The following C11orf65 variants were observed in gnomAD, a reference collection of about 807,000 sequenced individuals.
C11orf65 encodes the protein chromosome 11 open reading frame 65.
C11orf65 carries 38 observed loss-of-function variants against 35.3 expected under a neutral mutation model. The observed-to-expected ratio is 1.08, with a 90% CI of 0.83 to 1.41. C11orf65 has a LOEUF of 1.41. Ranked by LOEUF, C11orf65 falls within the 40% of genes most tolerant of loss-of-function variation. C11orf65 has a pLI of 0.00. For synonymous variants in C11orf65, 105 were observed against 114.4 expected (o/e 0.92, Z 0.53); for missense variants, 370 against 367.1 (o/e 1.01, Z -0.06).
chr11:108,405,703 T>G (rs559785833), intron 5 of C11orf65, 144 bp from the exon 6 acceptor site: 1 of 829,536 alleles, frequency 1.2e-6, no homozygotes, highest in East Asian at 2.6e-5. Flanking sequence ...AAGGTATTTC[T>G]AATTAAGTGA....
At chr11:108,344,014 A>G (rs113621395) in intron 2 of C11orf65, among the ~76,000 whole-genome samples, 2,254 of 152,322 alleles carry the variant, frequency 0.015, 35 homozygotes, top group Admixed American at 0.041. Context: ...CCTTATCCTC[A>G]TTTTAAAATG....
intron 7 of C11orf65, among the ~76,000 whole-genome samples, chr11:108,391,374 T>C (rs1473000795): frequency 1.3e-5 from 2 of 152,170 alleles, no homozygotes; most frequent in Non-Finnish European, 2.9e-5. Context: ...TCCACCACCA[T>C]AATGAATTTT....
intron 6 of C11orf65, among the ~76,000 whole-genome samples, chr11:108,402,335 T>C (rs2092453825): frequency 6.6e-6 from 1 of 152,326 alleles, no homozygotes; most frequent in African/African-American, 2.4e-5. Flanking sequence ...TTTGCCCAAA[T>C]GTCCTAATCC....
At chr11:108,367,444 C>G (rs1203716161) in intron 2 of C11orf65, 1 of 201,088 alleles carries the variant, frequency 5.0e-6, no homozygotes, top group Non-Finnish European at 1.0e-5. Flanking sequence ...AGAAGTGGAA[C>G]ATTTCTCTGT....
chr11:108,445,540 A>T (rs1565708086), intron 2 of C11orf65, among the ~76,000 whole-genome samples: 1 of 152,170 alleles, frequency 6.6e-6, no homozygotes, highest in Non-Finnish European at 1.5e-5. Context: ...AGCAAACTCC[A>T]ACGGACCTGT....
intron 2 of C11orf65, among the ~76,000 whole-genome samples, chr11:108,363,342 TTTC>T (rs1207068325): frequency 2.0e-5 from 3 of 152,206 alleles, no homozygotes; most frequent in Admixed American, 1.3e-4. Flanking sequence ...GTATTTCCCT[TTTC>T]TTTTCAGTGT....
chr11:108,328,894 TC>T, downstream of C11orf65: 1 of 1,057,448 alleles, frequency 9.5e-7, no homozygotes, highest in Non-Finnish European at 1.4e-6. Flanking sequence ...TTGCAATAGT[TC>T]ATATAATTTA....
At chr11:108,370,218 TC>T (rs1028245682) in intron 2 of C11orf65, among the ~76,000 whole-genome samples, 7 of 152,106 alleles carry the variant, frequency 4.6e-5, no homozygotes, top group African/African-American at 1.7e-4. Flanking sequence ...GACATTTTTT[TC>T]ATAAGTTTTT....
intron 2 of C11orf65, among the ~76,000 whole-genome samples, chr11:108,373,282 G>C (rs564154306): frequency 6.6e-6 from 1 of 152,246 alleles, no homozygotes; most frequent in Admixed American, 6.5e-5. Context: ...GAAAAAGCTT[G>C]TGAGAAAATT....
upstream of C11orf65, chr11:108,467,605 G>T (rs1228051314): frequency 2.0e-5 from 3 of 152,108 alleles, no homozygotes; most frequent in Non-Finnish European, 2.9e-5. Context: ...CTCTATTCGC[G>T]CTCTGACAAA....
intron 3 of C11orf65, among the ~76,000 whole-genome samples, chr11:108,421,159 T>C (rs1448050543): frequency 6.6e-6 from 1 of 152,198 alleles, no homozygotes; most frequent in East Asian, 1.9e-4. Context: ...GACATGTCCA[T>C]GTATCTTTCT....
intron 2 of C11orf65, among the ~76,000 whole-genome samples, chr11:108,373,086 AAAAATT>A (rs1203384677): frequency 6.6e-6 from 1 of 152,158 alleles, no homozygotes; most frequent in East Asian, 1.9e-4. Context: ...CATAAAAAAA[AAAAATT>A]AAAAGAAAGA....
At chr11:108,396,509 TTTAA>T (rs1352452974) in intron 6 of C11orf65, among the ~76,000 whole-genome samples, 4 of 152,116 alleles carry the variant, frequency 2.6e-5, no homozygotes, top group Non-Finnish European at 4.4e-5. Flanking sequence ...GTTCAAATAA[TTTAA>T]TTCTCAGGTT....
chr11:108,460,808 C>T (rs1052549070), intron 2 of C11orf65, among the ~76,000 whole-genome samples: 3 of 152,072 alleles, frequency 2.0e-5, no homozygotes, highest in South Asian at 2.1e-4. Context: ...TCATCACAAC[C>T]TCCGCCTCCC....
intron 6 of C11orf65, chr11:108,312,336 A>G: frequency 8.9e-7 from 1 of 1,125,192 alleles, no homozygotes; most frequent in Non-Finnish European, 1.3e-6. Flanking sequence ...TTTTCTGTCA[A>G]AGTCTATAGT....
intron 2 of C11orf65, chr11:108,354,923 C>G (rs2137360434): frequency 6.8e-7 from 1 of 1,471,110 alleles, no homozygotes; most frequent in African/African-American, 1.4e-5. Flanking sequence ...ACCAGGTAGA[C>G]TGTGTATCTC....
chr11:108,459,791 T>A (rs1054234430), intron 2 of C11orf65, among the ~76,000 whole-genome samples: 2 of 147,422 alleles, frequency 1.4e-5, no homozygotes, highest in African/African-American at 5.0e-5. Flanking sequence ...ACATGGCTTC[T>A]CTGCTGAAGC....
chr11:108,368,937 A>G (rs2091465458), intron 2 of C11orf65: 1 of 192,444 alleles, frequency 5.2e-6, no homozygotes, highest in African/African-American at 2.3e-5. Flanking sequence ...AAAGAAAGCC[A>G]GTATATTGGT....
At chr11:108,412,510 AT>A (rs537627895) in intron 3 of C11orf65, among the ~76,000 whole-genome samples, 1 of 152,182 alleles carries the variant, frequency 6.6e-6, no homozygotes, top group Non-Finnish European at 1.5e-5. Flanking sequence ...AAAGACACAG[AT>A]TAATAACAAA....
Sources: allele counts gnomAD v4.1 joint callset (sites outside exome capture counted in the v4.1 genomes callset), GRCh38; gene constraint gnomAD v4.1.1; transcripts MANE v1.5; gene names NCBI Gene and HGNC (gene_info 2026-07-23, HGNC 2026-07-21).